The following HECW2 variants were observed in gnomAD, a reference collection of about 807,000 sequenced individuals.
HECW2 encodes HECT, C2 and WW domain containing E3 ubiquitin protein ligase 2.
Under a neutral mutation model 175.2 loss-of-function variants are expected in HECW2, and 61 were observed. That is an observed-to-expected ratio of 0.35 (90% confidence interval 0.28 to 0.43). The LOEUF (loss-of-function observed/expected upper bound fraction) is 0.43. HECW2 is among the 20% of genes least tolerant of loss of function. The pLI is 1.00. For missense variants in HECW2, 1,524 were observed against 2,000.5 expected (o/e 0.76, Z 4.54); for synonymous variants, 671 against 731.0 (o/e 0.92, Z 1.32).
chr2:196,395,464 G>A (rs570998240), intron 2 of HECW2, among the ~76,000 whole-genome samples: 2 of 152,056 alleles, frequency 1.3e-5, no homozygotes, highest in Non-Finnish European at 2.9e-5. Context: ...TCATGTATGT[G>A]ATAAGAGATT....
intron 1 of HECW2, among the ~76,000 whole-genome samples, chr2:196,517,145 A>T (rs1200525286): frequency 6.6e-6 from 1 of 152,204 alleles, no homozygotes; most frequent in Non-Finnish European, 1.5e-5. Context: ...GCTCATTCAT[A>T]CAAGGAGGCA....
chr2:196,234,454 ATTAT>A (rs1455059718), intron 21 of HECW2, among the ~76,000 whole-genome samples: 2 of 152,078 alleles, frequency 1.3e-5, no homozygotes, highest in Non-Finnish European at 2.9e-5. Flanking sequence ...CAACCAGCTA[ATTAT>A]TTATTTATTT....
chr2:196,223,235 T>G (rs939217647), intron 23 of HECW2, among the ~76,000 whole-genome samples: 1 of 152,158 alleles, frequency 6.6e-6, no homozygotes, highest in African/African-American at 2.4e-5. Flanking sequence ...AACATAAGAT[T>G]GGTAACACTT....
chr2:196,284,996 A>G (rs1353965863), intron 14 of HECW2, among the ~76,000 whole-genome samples: 1 of 152,214 alleles, frequency 6.6e-6, no homozygotes, highest in East Asian at 1.9e-4. Flanking sequence ...CTAACAACTC[A>G]AAAACTGAAA....
chr2:196,509,467 G>T (rs557654837), intron 1 of HECW2, among the ~76,000 whole-genome samples: 1 of 152,340 alleles, frequency 6.6e-6, no homozygotes, highest in African/African-American at 2.4e-5. Flanking sequence ...GTAGGGCTGG[G>T]AGTCCCAATC....
At chr2:196,478,687 G>A (rs1351703743) in intron 1 of HECW2, among the ~76,000 whole-genome samples, 1 of 152,010 alleles carries the variant, frequency 6.6e-6, no homozygotes, top group Non-Finnish European at 1.5e-5. Context: ...CTCAGCAGAA[G>A]AAGCAATCCA....
intron 3 of HECW2, among the ~76,000 whole-genome samples, chr2:196,339,242 C>T (rs1224606330): frequency 1.3e-5 from 2 of 151,650 alleles, no homozygotes; most frequent in African/African-American, 4.8e-5. Context: ...ACCGAGGCCA[C>T]CCCATCTACA....
In HECW2 at chr2:196,582,564, C is replaced by T. The variant is rs547668934; in HGVS notation, c.-36+10944G>A. ...CAGATTTTAAATCAGGCCATCAAAG[C>T]ATATACAGCTCCCTTCTTTTACGTC... is the stretch of plus-strand genomic sequence containing the variant. On this transcript the variant is annotated intron_variant, in intron 1 of 28. Coordinates refer to ENST00000644978, the MANE Select transcript of HECW2 (RefSeq NM_001348768.2). 2.0e-5 allele frequency among the ~76,000 whole-genome samples: 3 copies of T among 152,324 alleles called. No homozygotes were observed. In the South Asian group the frequency reaches 6.2e-4, roughly 32 times the overall value.
At chr2:196,269,263 T>C (rs1241176409) in intron 17 of HECW2, 1 of 151,678 alleles carries the variant, frequency 6.6e-6, no homozygotes, top group Non-Finnish European at 1.5e-5. Context: ...GGCGGGAGGA[T>C]CACCTGAGGT....
chr2:196,300,503 C>T (rs1222585839), intron 13 of HECW2, among the ~76,000 whole-genome samples: 4 of 152,098 alleles, frequency 2.6e-5, no homozygotes, highest in Non-Finnish European at 5.9e-5. Flanking sequence ...AACATGTCTC[C>T]CTTTTACACT....
At chr2:196,357,151 G>A (rs4850701) in intron 2 of HECW2, among the ~76,000 whole-genome samples, 152,336 of 152,368 alleles carry the variant, frequency 1, 76,152 homozygotes, top group Non-Finnish European at 1. Context: ...GATGGCACAC[G>A]ATGCTTCATG....
At position 196,334,405 on chromosome 2, in the gene HECW2, G is replaced by A. The variant is rs776682165; in HGVS notation, c.495+19C>T. 4 of 1,582,230 alleles carry A rather than the reference G, an allele frequency of 2.5e-6. No homozygotes were observed. Among genetic ancestry groups the A allele is most frequent in the Non-Finnish European group, 3.4e-6 (4 of 1,160,288 alleles). On this transcript the variant is annotated intron_variant, in intron 4 of 28. Coordinates refer to ENST00000644978, the MANE Select transcript of HECW2 (RefSeq NM_001348768.2). Reference sequence around the variant, plus strand: ...CCAGCATGGATCTCACAAGGAAGCTGGCAGCGAGGGGCACTCACCATCACA... The same window carrying A: ...CCAGCATGGATCTCACAAGGAAGCTAGCAGCGAGGGGCACTCACCATCACA...
chr2:196,222,663 G>C (rs182306529), intron 23 of HECW2, among the ~76,000 whole-genome samples: 1 of 152,034 alleles, frequency 6.6e-6, no homozygotes, highest in Non-Finnish European at 1.5e-5. Context: ...GCCAGATCAG[G>C]AACTGGCACT....
At chr2:196,369,571 A>G (rs1460940984) in intron 2 of HECW2, among the ~76,000 whole-genome samples, 1 of 151,952 alleles carries the variant, frequency 6.6e-6, no homozygotes, top group Non-Finnish European at 1.5e-5. Context: ...AGCACAGCAC[A>G]TAACAAAGCT....
chr2:196,344,213 A>T (rs1323246531), intron 2 of HECW2, among the ~76,000 whole-genome samples: 7 of 151,620 alleles, frequency 4.6e-5, no homozygotes, highest in Non-Finnish European at 1.0e-4. Flanking sequence ...GTCAAGATAC[A>T]GCACAGCTTT....
chr2:196,536,259 T>A (rs1367114030), intron 1 of HECW2, among the ~76,000 whole-genome samples: 3 of 152,212 alleles, frequency 2.0e-5, no homozygotes, highest in African/African-American at 7.2e-5. Flanking sequence ...TGGGACCCTC[T>A]GGCTTTAAAG....
intron 4 of HECW2, among the ~76,000 whole-genome samples, chr2:196,332,980 G>A (rs1401304181): frequency 1.3e-5 from 2 of 152,058 alleles, no homozygotes; most frequent in Non-Finnish European, 2.9e-5. Context: ...TGTGAGCAGA[G>A]TACTTAGATG....
rs558035981 is a variant in HECW2, at chr2:196,278,246, AT to A, written c.3135+281del. Among the ~76,000 whole-genome samples, 948 of 145,344 alleles carry A rather than the reference AT, an allele frequency of 6.5e-3. 6 individuals carry two copies. Among genetic ancestry groups the A allele is most frequent in the Middle Eastern group, 0.014 (4 of 282 alleles). On this transcript the variant is annotated intron_variant, in intron 15 of 28. Transcript: ENST00000644978. ...GGCTTATCATCTTCCTGTCTCGAAC[AT>A]TTTAGTACATTATCAACACCCTCTC...
At chr2:196,282,199 A>ACT (rs1690214315) in intron 14 of HECW2, among the ~76,000 whole-genome samples, 3 of 152,226 alleles carry the variant, frequency 2.0e-5, no homozygotes, top group African/African-American at 7.2e-5. Flanking sequence ...CTGACCAGTA[A>ACT]GATGTAAAAC....
Sources: gnomAD v4.1 joint callset for allele counts (sites outside exome capture counted in the v4.1 genomes callset) on GRCh38, gnomAD v4.1.1 for gene constraint, MANE v1.5 for transcripts, NCBI Gene and HGNC (gene_info 2026-07-23, HGNC 2026-07-21) for gene names.